The following MGAT4C variants were observed in gnomAD, a reference collection of about 807,000 sequenced individuals.
MGAT4C encodes alpha-1,3-mannosyl-glycoprotein 4-beta-N-acetylglucosaminyltransferase C.
In MGAT4C, 19 loss-of-function variants were observed where a neutral mutation model predicts 40.1. The ratio of observed to expected loss-of-function variants is 0.47; its 90% CI spans 0.33 to 0.70. MGAT4C has a LOEUF of 0.70. MGAT4C is among the 30% of genes least tolerant of loss of function. The probability of loss-of-function intolerance (pLI) is 0.02; values close to 1 mark genes in which losing one functional copy is unlikely to be tolerated. For missense variants in MGAT4C, 491 were observed against 563.2 expected (o/e 0.87, Z 1.30); for synonymous variants, 181 against 187.1 (o/e 0.97, Z 0.27).
intron 2 of MGAT4C, among the ~76,000 whole-genome samples, chr12:86,645,044 C>G (rs1468364069): frequency 6.6e-6 from 1 of 151,496 alleles, no homozygotes; most frequent in East Asian, 1.9e-4. Flanking sequence ...AACTTATATA[C>G]ATATGTGATC....
At chr12:86,188,269 C>G (rs777047159) in intron 1 of MGAT4C, among the ~76,000 whole-genome samples, 50 of 152,112 alleles carry the variant, frequency 3.3e-4, no homozygotes, top group Non-Finnish European at 6.6e-4. Context: ...AAAAATAGAA[C>G]TGGAACTGCA....
chr12:85,957,657 C>CAAAAAAAA lies in MGAT4C; in HGVS notation c.*21624_*21631dup, dbSNP rs5799763. ...TTTACTGTAGAGTTGAATAAGAAAG[C>CAAAAAAAA]AAAAAAAAAAAAAAAAGAAAAAAGA... On this transcript the variant is annotated 3_prime_UTR_variant, in exon 5 of 5. Transcript: ENST00000611864. The CAAAAAAAA allele has an allele frequency of 3.1e-3, 312 of 100,964 alleles. No homozygotes were observed. Among genetic ancestry groups the CAAAAAAAA allele is most frequent in the African/African-American group, 7.5e-3 (183 of 24,554 alleles). The allele number at this position is 100,964 out of a possible 1,614,324, so 6.3% of individuals were successfully genotyped here.
intron 1 of MGAT4C, among the ~76,000 whole-genome samples, chr12:86,237,396 G>T (rs2131565): frequency 0.67 from 100,854 of 151,558 alleles, 34,676 homozygotes; most frequent in East Asian, 0.95. Context: ...ACAGTACCGA[G>T]CATGCTTTAA....
At chr12:86,152,620 C>T (rs913699926) in intron 1 of MGAT4C, among the ~76,000 whole-genome samples, 1 of 152,172 alleles carries the variant, frequency 6.6e-6, no homozygotes, top group South Asian at 2.1e-4. Context: ...CTTTTCCCAT[C>T]GTATATCACA....
At chr12:86,680,053 G>A (rs1220869028) in intron 2 of MGAT4C, among the ~76,000 whole-genome samples, 1 of 151,884 alleles carries the variant, frequency 6.6e-6, no homozygotes, top group African/African-American at 2.4e-5. Flanking sequence ...TTTTCTGGTT[G>A]TGTAATTTCC....
intron 2 of MGAT4C, among the ~76,000 whole-genome samples, chr12:86,641,061 GA>G (rs1042211218): frequency 1.8e-4 from 28 of 151,672 alleles, no homozygotes; most frequent in Non-Finnish European, 3.1e-4. Flanking sequence ...GTGTGGTGCG[GA>G]AAAAAATGTA....
At chr12:86,259,014 A>G (rs1186725716), upstream of MGAT4C, among the ~76,000 whole-genome samples, 2 of 151,982 alleles carry the variant, frequency 1.3e-5, no homozygotes, top group Non-Finnish European at 2.9e-5. Flanking sequence ...TTATACACTC[A>G]GGAACATTCA....
intron 2 of MGAT4C, among the ~76,000 whole-genome samples, chr12:86,545,227 G>C (rs1373323389): frequency 1.3e-5 from 2 of 151,964 alleles, no homozygotes. Flanking sequence ...TGCTGAGAGA[G>C]TAATGCAACT....
At chr12:86,782,913 T>A (rs1019203338) in intron 1 of MGAT4C, among the ~76,000 whole-genome samples, 1 of 152,170 alleles carries the variant, frequency 6.6e-6, no homozygotes, top group Non-Finnish European at 1.5e-5. Context: ...TGAGAGAAAA[T>A]ACATTTCTGT....
chr12:86,623,246 T>C (rs1405313166), intron 2 of MGAT4C, among the ~76,000 whole-genome samples: 3 of 152,114 alleles, frequency 2.0e-5, no homozygotes, highest in African/African-American at 2.4e-5. Flanking sequence ...ACCAAGAATA[T>C]GGATATGCAG....
At chr12:86,806,946 G>A (rs962122811) in intron 1 of MGAT4C, among the ~76,000 whole-genome samples, 25 of 151,696 alleles carry the variant, frequency 1.6e-4, no homozygotes, top group East Asian at 9.8e-4. Context: ...CATGGCACAC[G>A]TATACATACG....
At position 85,997,755 on chromosome 12, in the gene MGAT4C, C is replaced by T. The variant is rs117131473; in HGVS notation, c.-6-8203G>A. ...TTCCATGGTCTTGGACAGCTCTGCC[C>T]CAATGGCTTTGCAAGGTACGGCCTC... On this transcript the variant is annotated intron_variant, in intron 2 of 4. Coordinates refer to ENST00000611864, the MANE Select transcript of MGAT4C (RefSeq NM_001351288.2). Among the ~76,000 whole-genome samples the T allele has an allele frequency of 5.5e-3, 837 of 152,254 alleles. 18 individuals carry two copies. The highest frequency in any genetic ancestry group is 3.7e-3 in the Non-Finnish European group (254 of 68,030).
At chr12:86,303,108 ACT>A (rs1284614755) in intron 4 of MGAT4C, among the ~76,000 whole-genome samples, 1 of 150,366 alleles carries the variant, frequency 6.7e-6, no homozygotes, top group Admixed American at 6.6e-5. Context: ...TCTCACTGTA[ACT>A]CAACATTTTA....
chr12:86,552,524 T>C (rs1227542314), intron 2 of MGAT4C, among the ~76,000 whole-genome samples: 1 of 152,116 alleles, frequency 6.6e-6, no homozygotes, highest in Non-Finnish European at 1.5e-5. Context: ...AGGGAATATA[T>C]TAAATTTTCT....
intron 1 of MGAT4C, among the ~76,000 whole-genome samples, chr12:86,235,015 TAA>T (rs1300526380): frequency 6.6e-6 from 1 of 152,144 alleles, no homozygotes; most frequent in East Asian, 1.9e-4. Flanking sequence ...TTGATATTTT[TAA>T]AAGACCTGTG....
rs575949165 is a variant in MGAT4C at position 86,512,484 on chromosome 12, T to C, written c.-228-77219A>G. 5.9e-5 allele frequency among the ~76,000 whole-genome samples: 9 copies of C among 152,280 alleles called. No homozygotes were observed. The East Asian group carries it at 1.7e-3, about 29-fold the overall frequency. On this transcript the variant is annotated intron_variant, in intron 2 of 7. Transcript: ENST00000548651. ...CATGCACTTCTATTCTATCTATGAA[T>C]GATACTTGGAGTATCATTCATAATG...
intron 1 of MGAT4C, among the ~76,000 whole-genome samples, chr12:86,243,230 A>C (rs1037054337): frequency 3.3e-5 from 5 of 152,146 alleles, no homozygotes; most frequent in African/African-American, 1.2e-4. Context: ...AATTTTTCTC[A>C]ATCAAAATTA....
At chr12:86,584,741 T>C (rs781291131) in intron 2 of MGAT4C, among the ~76,000 whole-genome samples, 2 of 151,302 alleles carry the variant, frequency 1.3e-5, no homozygotes, top group Non-Finnish European at 3.0e-5. Context: ...TCCAATTTTA[T>C]TGGAAAGGTT....
At position 86,379,203 on chromosome 12, in the gene MGAT4C, T is replaced by C. The variant is rs138834385; in HGVS notation, c.-119-45076A>G. Reference sequence around the variant, plus strand: ...GTTACATGAATAAATACATGTAAAATGTTTAGAACAATGCCTAGTTGAGAG... The same window carrying C: ...GTTACATGAATAAATACATGTAAAACGTTTAGAACAATGCCTAGTTGAGAG... On this transcript the variant is annotated intron_variant, in intron 3 of 7. Transcript: ENST00000548651. Among the ~76,000 whole-genome samples, 403 of 152,216 alleles carry C rather than the reference T, an allele frequency of 2.6e-3. 3 individuals carry two copies. Among genetic ancestry groups the C allele is most frequent in the Non-Finnish European group, 4.6e-3 (310 of 67,950 alleles).
Sources: gnomAD v4.1 joint callset for allele counts (sites outside exome capture counted in the v4.1 genomes callset) on GRCh38, gnomAD v4.1.1 for gene constraint, MANE v1.5 for transcripts, NCBI Gene and HGNC (gene_info 2026-07-23, HGNC 2026-07-21) for gene names.